PIP5K1B: variants seen among roughly 807,000 people sequenced by gnomAD.
The protein encoded by PIP5K1B is phosphatidylinositol-4-phosphate 5-kinase type 1 beta, also known as phosphatidylinositol 4-phosphate 5-kinase type-1 beta.
In PIP5K1B, 42 loss-of-function variants were observed where a neutral mutation model predicts 67.0. The ratio of observed to expected loss-of-function variants is 0.63; its 90% CI spans 0.49 to 0.81. PIP5K1B has a LOEUF of 0.81. Among genes scored for constraint, PIP5K1B ranks in the 30% least tolerant of loss-of-function variants. PIP5K1B has a pLI of 0.00. For synonymous variants in PIP5K1B, 214 were observed against 231.4 expected (o/e 0.92, Z 0.68); for missense variants, 459 against 646.3 (o/e 0.71, Z 3.14).
At chr9:68,811,196 C>T (rs535160745) in intron 2 of PIP5K1B, among the ~76,000 whole-genome samples, 2 of 152,320 alleles carry the variant, frequency 1.3e-5, no homozygotes, top group East Asian at 1.9e-4. Context: ...ACCTCCCAAT[C>T]CACATTTCCA....
intron 2 of PIP5K1B, among the ~76,000 whole-genome samples, chr9:68,778,887 C>G (rs1831063794): frequency 6.6e-6 from 1 of 152,210 alleles, no homozygotes; most frequent in Admixed American, 6.5e-5. Context: ...ACTTGCTATT[C>G]TCTCTGCTTG....
chr9:68,710,128 C>G (rs1827315672), intron 1 of PIP5K1B, among the ~76,000 whole-genome samples: 3 of 152,164 alleles, frequency 2.0e-5, no homozygotes, highest in African/African-American at 7.2e-5. Flanking sequence ...ATGGCCAGAG[C>G]CTTCAGTAGA....
intron 12 of PIP5K1B, among the ~76,000 whole-genome samples, chr9:68,925,727 C>G (rs1432168667): frequency 6.7e-6 from 1 of 149,566 alleles, no homozygotes; most frequent in Non-Finnish European, 1.5e-5. Flanking sequence ...TTTCTTTGGC[C>G]TAAAATAGAC....
intron 3 of PIP5K1B, among the ~76,000 whole-genome samples, chr9:68,819,377 A>G (rs1197125862): frequency 2.0e-5 from 3 of 152,092 alleles, no homozygotes; most frequent in Non-Finnish European, 4.4e-5. Flanking sequence ...GGGCTCAAGC[A>G]ATCCTCCCAC....
At chr9:68,770,732 G>A (rs1830636412) in intron 2 of PIP5K1B, among the ~76,000 whole-genome samples, 1 of 152,178 alleles carries the variant, frequency 6.6e-6, no homozygotes, top group South Asian at 2.1e-4. Context: ...CTAATGATCT[G>A]AAGTAGAAGA....
chr9:68,849,858 T>A (rs1822392933), intron 4 of PIP5K1B, among the ~76,000 whole-genome samples: 1 of 152,244 alleles, frequency 6.6e-6, no homozygotes, highest in South Asian at 2.1e-4. Flanking sequence ...GGCTACAATT[T>A]ACCTTTCTAA....
intron 2 of PIP5K1B, among the ~76,000 whole-genome samples, chr9:68,807,912 G>T (rs1832956673): frequency 6.6e-6 from 1 of 152,146 alleles, no homozygotes; most frequent in Non-Finnish European, 1.5e-5. Flanking sequence ...AAAAACTAGG[G>T]AAGAGGCTGG....
chr9:68,779,994 C>T (rs1239106072), intron 2 of PIP5K1B: 18 of 848,996 alleles, frequency 2.1e-5, no homozygotes, highest in South Asian at 2.9e-5. Flanking sequence ...ATTAAGCAGG[C>T]GCCGCGAGTA....
At position 68,752,006 on chromosome 9, in the gene PIP5K1B, T is replaced by TTA. The variant is rs532036171; in HGVS notation, c.-86+9357_-86+9358dup. On this transcript the variant is annotated intron_variant, in intron 2 of 15. Transcript: ENST00000265382. ...AAAGAATATGATAGTCCTTAACATT[T>TTA]TATATATATGGAATAAATTTTCTTT... 1.9e-3 allele frequency among the ~76,000 whole-genome samples: 285 copies of TTA among 152,338 alleles called. 2 individuals are homozygous for TTA. Among genetic ancestry groups the TTA allele is most frequent in the African/African-American group, 6.2e-3 (256 of 41,584 alleles).
chr9:68,970,489 A>G (rs543949740), intron 14 of PIP5K1B, among the ~76,000 whole-genome samples: 1 of 152,316 alleles, frequency 6.6e-6, no homozygotes, highest in Non-Finnish European at 1.5e-5. Flanking sequence ...TCTTTCCCAC[A>G]ATATGTGGAA....
chr9:68,822,556 T>C, intron 3 of PIP5K1B, 59 bp from the exon 4 acceptor site: 1 of 1,177,182 alleles, frequency 8.5e-7, no homozygotes, highest in Non-Finnish European at 1.2e-6. Flanking sequence ...GCAATATTAT[T>C]AATATATTGT....
chr9:68,991,977 T>G (rs186298683), intron 15 of PIP5K1B, among the ~76,000 whole-genome samples: 23,889 of 150,014 alleles, frequency 0.16, 2,392 homozygotes, highest in Admixed American at 0.32. Context: ...AAATTTTTTT[T>G]GGGGGGGGGC....
chr9:68,761,445 T>G (rs1830181101), intron 2 of PIP5K1B, among the ~76,000 whole-genome samples: 1 of 152,144 alleles, frequency 6.6e-6, no homozygotes, highest in Non-Finnish European at 1.5e-5. Context: ...ATTCATTTCT[T>G]ATTGCTGCTG....
At chr9:68,721,025 G>A (rs1827856007) in intron 1 of PIP5K1B, among the ~76,000 whole-genome samples, 1 of 152,188 alleles carries the variant, frequency 6.6e-6, no homozygotes, top group Non-Finnish European at 1.5e-5. Flanking sequence ...CATGAAGCTT[G>A]TTAGTGCATT....
intron 1 of PIP5K1B, among the ~76,000 whole-genome samples, chr9:68,734,233 T>C (rs1479923760): frequency 6.6e-6 from 1 of 152,174 alleles, no homozygotes; most frequent in Non-Finnish European, 1.5e-5. Context: ...TACAGAAAAG[T>C]AGATGAAGTT....
intron 4 of PIP5K1B, among the ~76,000 whole-genome samples, chr9:68,828,323 G>A (rs974703725): frequency 2.0e-5 from 3 of 152,226 alleles, no homozygotes; most frequent in Admixed American, 6.5e-5. Flanking sequence ...TGGCACCGAG[G>A]CCTCGCCTAC....
At chr9:68,856,281 C>T (rs1016909738) in intron 4 of PIP5K1B, among the ~76,000 whole-genome samples, 50 of 152,174 alleles carry the variant, frequency 3.3e-4, no homozygotes, top group African/African-American at 1.2e-3. Context: ...GAAATCAACT[C>T]CCCTAATTTC....
At chr9:68,743,806 G>A (rs1829136077) in intron 2 of PIP5K1B, among the ~76,000 whole-genome samples, 1 of 152,202 alleles carries the variant, frequency 6.6e-6, no homozygotes, top group Non-Finnish European at 1.5e-5. Context: ...AATGGGTGGA[G>A]TTAAAGAGGC....
chr9:68,841,329 G>A (rs1367676546), intron 4 of PIP5K1B, among the ~76,000 whole-genome samples: 2 of 152,278 alleles, frequency 1.3e-5, no homozygotes, highest in South Asian at 4.1e-4. Context: ...AGACGATGTG[G>A]CCCCCTTCAT....
Sources: gnomAD v4.1 joint callset for allele counts (sites outside exome capture counted in the v4.1 genomes callset) on GRCh38, gnomAD v4.1.1 for gene constraint, MANE v1.5 for transcripts, NCBI Gene and HGNC (gene_info 2026-07-23, HGNC 2026-07-21) for gene names.